Variants in CCDC6 observed in about 807,000 individuals in gnomAD.
CCDC6 encodes coiled-coil domain-containing protein 6.
CCDC6 carries 20 observed loss-of-function variants against 56.6 expected under a neutral mutation model. The ratio of observed to expected loss-of-function variants is 0.35; its 90% confidence interval spans 0.25 to 0.51. The LOEUF is 0.51. Among genes scored for constraint, CCDC6 ranks in the 20% least tolerant of loss-of-function variants. The pLI is 0.95. For synonymous variants in CCDC6, 241 were observed against 234.4 expected, an observed-to-expected ratio of 1.03 and a Z score of -0.26; for missense variants, 367 against 601.1, an observed-to-expected ratio of 0.61 and a Z score of 4.07.
At chr10:59,823,342 AG>A (rs1044449486) in intron 3 of CCDC6, among the ~76,000 whole-genome samples, 41 of 152,130 alleles carry the variant, frequency 2.7e-4, no homozygotes, top group African/African-American at 9.7e-4. Context: ...GGGCTTCAGG[AG>A]TTACAGGCAC....
At chr10:59,869,390 A>G (rs1188512939) in intron 1 of CCDC6, among the ~76,000 whole-genome samples, 1 of 37,106 alleles carries the variant, frequency 2.7e-5, no homozygotes, top group Admixed American at 3.5e-4. Flanking sequence ...TTGCTCAGGC[A>G]AAAAAAAAAA....
chr10:59,849,881 G>A (rs2071023367), intron 2 of CCDC6, among the ~76,000 whole-genome samples: 1 of 152,126 alleles, frequency 6.6e-6, no homozygotes, highest in African/African-American at 2.4e-5. Flanking sequence ...TTTCCATGCT[G>A]GGTGGCACAA....
At chr10:59,851,999 A>T (rs1187591981) in intron 2 of CCDC6, among the ~76,000 whole-genome samples, 1 of 152,058 alleles carries the variant, frequency 6.6e-6, no homozygotes, top group Non-Finnish European at 1.5e-5. Flanking sequence ...TTTGTGTGGC[A>T]TCTTCTATAT....
intron 3 of CCDC6, among the ~76,000 whole-genome samples, chr10:59,827,690 T>C (rs923638534): frequency 6.6e-6 from 1 of 152,178 alleles, no homozygotes; most frequent in Non-Finnish European, 1.5e-5. Flanking sequence ...CCAACCTTTA[T>C]ATATGGGTTT....
rs749176978 is a variant in CCDC6, at chr10:59,906,272, G to A, written c.153C>T (p.Ile51=). The part of the protein sequence containing the change: ...GGGGKSGGIV[I]SPFRLEELTN... The stretch of plus-strand genomic sequence containing the variant: ...TGAGCTCCTCCAGGCGGAACGGCGA[G>A]ATGACAATGCCCCCCGACTTCCCAC... The change falls in exon 1 of 9, where the codon ATC becomes ATT. Residue 51 remains isoleucine, a synonymous_variant. Transcript: ENST00000263102. 6.2e-7 allele frequency: 1 copy of A among 1,611,398 alleles called. No homozygotes were observed. The highest frequency in any genetic ancestry group is 1.7e-5 in the Admixed American group (1 of 60,022).
intron 2 of CCDC6, among the ~76,000 whole-genome samples, chr10:59,834,289 T>C (rs1277589140): frequency 1.3e-5 from 2 of 152,142 alleles, no homozygotes; most frequent in Admixed American, 1.3e-4. Context: ...TCCCAGCACT[T>C]TGGGAGGTCA....
At chr10:59,819,173 A>C (rs1333794707) in intron 3 of CCDC6, among the ~76,000 whole-genome samples, 3 of 152,212 alleles carry the variant, frequency 2.0e-5, no homozygotes, top group African/African-American at 7.2e-5. Flanking sequence ...TCTTGTTTAT[A>C]TCAATCAGCT....
chr10:59,849,288 G>T (rs2132654622), intron 2 of CCDC6, among the ~76,000 whole-genome samples: 2 of 152,252 alleles, frequency 1.3e-5, no homozygotes, highest in Middle Eastern at 6.8e-3. Context: ...GTCTGTACTG[G>T]ATAGACACAA....
At chr10:59,852,447 T>G in intron 2 of CCDC6, 106 bp downstream of exon 2, 4 of 922,988 alleles carry the variant, frequency 4.3e-6, no homozygotes, top group Non-Finnish European at 6.4e-6. Context: ...GAACTTAAGC[T>G]ACAACCTCAT....
chr10:59,825,653 A>G (rs140602524), intron 3 of CCDC6, among the ~76,000 whole-genome samples: 9 of 152,326 alleles, frequency 5.9e-5, no homozygotes, highest in East Asian at 1.9e-4. Flanking sequence ...TGTAGCTACT[A>G]AAACAAGTGG....
chr10:59,833,411 T>A (rs1424200829), intron 2 of CCDC6, among the ~76,000 whole-genome samples: 1 of 152,100 alleles, frequency 6.6e-6, no homozygotes, highest in African/African-American at 2.4e-5. Flanking sequence ...ATAGTGCCAT[T>A]GCACTCCAGC....
Position 59,874,620 on chromosome 10 carries a change from CA to C in CCDC6, c.304-21919del, listed in dbSNP as rs1349837404. Among the ~76,000 whole-genome samples the C allele has an allele frequency of 7.9e-5, 12 of 152,248 alleles. 1 individual carries two copies. Among genetic ancestry groups the C allele is most frequent in the Admixed American group, 7.2e-4 (11 of 15,280 alleles). ...TACATGCAAAGGGGAATTAAGGGAA[CA>C]GATAGAATTAAGGTTGCCCATCAAC... On this transcript the variant is annotated intron_variant, in intron 1 of 8. Transcript: ENST00000263102.
At chr10:59,890,419 G>A (rs1163772714) in intron 1 of CCDC6, among the ~76,000 whole-genome samples, 5 of 152,192 alleles carry the variant, frequency 3.3e-5, no homozygotes, top group South Asian at 2.1e-4. Context: ...GGGATGCTGC[G>A]TCGGCTTCTT....
At position 59,884,923 on chromosome 10, in the gene CCDC6, G is replaced by T. The variant is rs572755980; in HGVS notation, c.303+21199C>A. Among the ~76,000 whole-genome samples the T allele has an allele frequency of 2.0e-5, 3 of 152,154 alleles. No homozygotes were observed. In the South Asian group the frequency reaches 6.2e-4, roughly 32 times the overall value. On this transcript the variant is annotated intron_variant, in intron 1 of 8. Coordinates refer to ENST00000263102, the MANE Select transcript of CCDC6 (RefSeq NM_005436.5). Reference sequence around the variant, plus strand: ...TACTAAAAATACAAAAATTAGCCAGGCATGGTGACACACGCCTGTAGTCCC... The same window carrying T: ...TACTAAAAATACAAAAATTAGCCAGTCATGGTGACACACGCCTGTAGTCCC...
At chr10:59,900,680 C>T (rs1181828723) in intron 1 of CCDC6, among the ~76,000 whole-genome samples, 1 of 152,146 alleles carries the variant, frequency 6.6e-6, no homozygotes, top group Non-Finnish European at 1.5e-5. Flanking sequence ...CAAGAGTCAC[C>T]ACAAACCAGA....
intron 1 of CCDC6, among the ~76,000 whole-genome samples, chr10:59,858,677 T>A (rs574387165): frequency 6.6e-6 from 1 of 152,308 alleles, no homozygotes; most frequent in South Asian, 2.1e-4. Flanking sequence ...CAGCTTTGCA[T>A]ACACACCTCA....
intron 2 of CCDC6, among the ~76,000 whole-genome samples, chr10:59,847,013 G>A (rs867120613): frequency 6.6e-6 from 1 of 152,136 alleles, no homozygotes; most frequent in Non-Finnish European, 1.5e-5. Context: ...CTTCCAGTAG[G>A]CATTTGTGAT....
intron 7 of CCDC6, 55 bp downstream of exon 7, chr10:59,804,365 G>A: frequency 1.0e-6 from 1 of 962,032 alleles, no homozygotes; most frequent in Non-Finnish European, 1.7e-6. Flanking sequence ...AGTCAGGGTT[G>A]CCTATTCAAT....
rs542999931 is a variant in CCDC6, at chr10:59,875,950, T to A, written c.304-23248A>T. ...ATTAACCTGAGACTATATACTCCTA[T>A]CAAAATACTAAATTCTGCAATCCCA... is the stretch of plus-strand genomic sequence containing the variant. On this transcript the variant is annotated intron_variant, in intron 1 of 8. Coordinates refer to ENST00000263102, the MANE Select transcript of CCDC6 (RefSeq NM_005436.5). Among the ~76,000 whole-genome samples the A allele has an allele frequency of 4.0e-5, 6 of 151,540 alleles. No homozygotes were observed. The East Asian group carries it at 1.2e-3, about 30-fold the overall frequency.
Sources: gnomAD v4.1 joint callset for allele counts (sites outside exome capture counted in the v4.1 genomes callset) on GRCh38, gnomAD v4.1.1 for gene constraint, MANE v1.5 for transcripts, NCBI Gene and HGNC (gene_info 2026-07-23, HGNC 2026-07-21) for gene names.